The following DCLRE1C variants were observed in gnomAD, a reference collection of about 807,000 sequenced individuals.
DCLRE1C encodes DNA cross-link repair 1C, also known as protein artemis.
A neutral mutation model predicts 61.4 loss-of-function variants in DCLRE1C; 47 were observed. The ratio of observed to expected loss-of-function variants is 0.77; its 90% CI spans 0.61 to 0.98. The LOEUF is 0.98. Among genes scored for constraint, DCLRE1C ranks in the 50% least tolerant of loss-of-function variants. The pLI is 0.00. For missense variants in DCLRE1C, 858 were observed against 816.0 expected, an observed-to-expected ratio of 1.05 and a Z score of -0.63; for synonymous variants, 337 against 287.6, an observed-to-expected ratio of 1.17 and a Z score of -1.74.
At chr10:14,897,706 TA>T (rs1833683550) in exon 14 of DCLRE1C, 3 of 414,220 alleles carry the variant, frequency 7.2e-6, no homozygotes, top group Non-Finnish European at 8.1e-6. Flanking sequence ...TTTATATGAA[TA>T]AAAAATATAC....
rs1834332782 is a variant in DCLRE1C at position 14,905,682 on chromosome 10, C to A, written c.*2726G>T. Among the ~76,000 whole-genome samples the A allele has an allele frequency of 6.6e-6, 1 of 152,182 alleles. No individual in the cohort carries two copies. Among genetic ancestry groups the A allele is most frequent in the African/African-American group, 2.4e-5 (1 of 41,444 alleles). The stretch of plus-strand genomic sequence containing the variant: ...GAGTGTCTTCTGTGATACATCTTGG[C>A]ATTTTGAAACTTCATGTTTCGGCTG... On this transcript the variant is annotated 3_prime_UTR_variant, in exon 14 of 14. Transcript: ENST00000378278.
downstream of DCLRE1C, among the ~76,000 whole-genome samples, chr10:14,901,723 C>G (rs1442017484): frequency 6.6e-6 from 1 of 151,490 alleles, no homozygotes; most frequent in East Asian, 1.9e-4. Flanking sequence ...CCCAGCTACT[C>G]GGGAGGCTGA....
intron 13 of DCLRE1C, among the ~76,000 whole-genome samples, chr10:14,909,628 T>A (rs1834914432): frequency 6.6e-6 from 1 of 151,678 alleles, no homozygotes; most frequent in Non-Finnish European, 1.5e-5. Flanking sequence ...AAAACAGGTT[T>A]CTGTATCTCA....
exon 14 of DCLRE1C, chr10:14,897,692 A>G: frequency 2.0e-6 from 1 of 488,072 alleles, no homozygotes; most frequent in South Asian, 1.0e-4. Flanking sequence ...AGAAATAAAA[A>G]ACTTTTATAT....
intron 13 of DCLRE1C, among the ~76,000 whole-genome samples, chr10:14,919,414 T>G (rs41299722): frequency 5.2e-4 from 79 of 151,952 alleles, no homozygotes; most frequent in African/African-American, 1.7e-3. Context: ...CCTCTCTATG[T>G]CCTAAGAAAA....
intron 4 of DCLRE1C, among the ~76,000 whole-genome samples, chr10:14,939,280 T>C (rs1840484386): frequency 6.6e-6 from 1 of 151,890 alleles, no homozygotes; most frequent in Non-Finnish European, 1.5e-5. Flanking sequence ...CTACTAAAAA[T>C]ACAATAATTA....
intron 6 of DCLRE1C, among the ~76,000 whole-genome samples, 177 bp from the exon 7 acceptor site, chr10:14,934,952 A>C (rs41297030): frequency 6.6e-6 from 1 of 151,802 alleles, no homozygotes; most frequent in Non-Finnish European, 1.5e-5. Context: ...CCTCCCAACT[A>C]TCTGGGATCA....
At chr10:14,942,281 G>A (rs900631630) in intron 3 of DCLRE1C, 20 of 152,298 alleles carry the variant, frequency 1.3e-4, no homozygotes, top group Admixed American at 4.6e-4. Flanking sequence ...AGTGGGTTTC[G>A]GTCTGTCCTA....
chr10:14,902,417 A>T (rs1165281122), downstream of DCLRE1C: 7 of 1,608,024 alleles, frequency 4.4e-6, no homozygotes, highest in Admixed American at 1.2e-4. Context: ...TTCTGGAGAT[A>T]TATCTTCAGA....
intron 13 of DCLRE1C, chr10:14,911,218 C>G (rs1564372999): frequency 6.6e-6 from 1 of 152,172 alleles, no homozygotes; most frequent in Non-Finnish European, 1.5e-5. Flanking sequence ...TTGTCCTGGT[C>G]CCAACAGCCA....
At chr10:14,940,612 C>A (rs2153796) in intron 3 of DCLRE1C, among the ~76,000 whole-genome samples, 7,494 of 148,826 alleles carry the variant, frequency 0.05, 370 homozygotes, top group East Asian at 0.28. Context: ...TAAGTGCTGC[C>A]GAACGCTCCC....
chr10:14,952,772 C>G (rs1373905546), intron 1 of DCLRE1C, among the ~76,000 whole-genome samples: 1 of 151,892 alleles, frequency 6.6e-6, no homozygotes, highest in African/African-American at 2.4e-5. Flanking sequence ...CGGCAACGCA[C>G]GAGAAGAGGT....
Position 14,926,861 on chromosome 10 carries a change from A to G in DCLRE1C, c.954T>C (p.Phe318=). ...CTCTTACCTCACTGTAGGAGGAGTG[A>G]AAAGAAAAACAAGCTCTGTATGAAC... The part of the protein sequence containing the change: ...GESSYRACFS[F]HSSYSEIKDF... The change falls in exon 11 of 14, where the codon TTT becomes TTC. Residue 318 remains phenylalanine, a synonymous_variant. Coordinates refer to ENST00000378278, the MANE Select transcript of DCLRE1C (RefSeq NM_001033855.3). 1 of 1,613,560 alleles carries G rather than the reference A, an allele frequency of 6.2e-7. No homozygotes were observed. Among genetic ancestry groups the G allele is most frequent in the Non-Finnish European group, 8.5e-7 (1 of 1,179,546 alleles).
At chr10:14,911,086 C>T (rs1365979803) in intron 13 of DCLRE1C, 3 of 152,228 alleles carry the variant, frequency 2.0e-5, no homozygotes, top group Admixed American at 2.0e-4. Context: ...GAGGCGTCCC[C>T]ACCACGTGTT....
chr10:14,954,205 G>A, upstream of DCLRE1C: 2 of 857,088 alleles, frequency 2.3e-6, no homozygotes, highest in Non-Finnish European at 3.7e-6. Context: ...GGCGCCCGCT[G>A]CTTGGGTTTA....
intron 12 of DCLRE1C, among the ~76,000 whole-genome samples, chr10:14,922,668 G>T (rs1837307522): frequency 6.6e-6 from 1 of 152,014 alleles, no homozygotes; most frequent in African/African-American, 2.4e-5. Flanking sequence ...CAACAAGTAG[G>T]CATCAATATT....
Position 14,905,812 on chromosome 10 carries a change from C to T in DCLRE1C, c.*2596G>A, listed in dbSNP as rs1190443630. 6.6e-6 allele frequency among the ~76,000 whole-genome samples: 1 copy of T among 152,090 alleles called. No individual in the cohort carries two copies. The highest frequency in any genetic ancestry group is 1.5e-5 in the Non-Finnish European group (1 of 68,020). ...CCAGTCTGACCAATATGGTGAAACCCTGTCTCTACTAAAAATACAAAAATT... is the reference window on the plus strand; with the variant it reads ...CCAGTCTGACCAATATGGTGAAACCTTGTCTCTACTAAAAATACAAAAATT... On this transcript the variant is annotated 3_prime_UTR_variant, in exon 14 of 14. Coordinates refer to ENST00000378278, the MANE Select transcript of DCLRE1C (RefSeq NM_001033855.3).
intron 9 of DCLRE1C, 117 bp downstream of exon 9, chr10:14,932,737 G>A (rs1369554849): frequency 1.7e-6 from 2 of 1,206,618 alleles, no homozygotes; most frequent in African/African-American, 3.0e-5. Context: ...AACAACTTAG[G>A]ATTGCAGCCT....
At chr10:14,933,684 G>A (rs1294938650) in intron 8 of DCLRE1C, among the ~76,000 whole-genome samples, 1 of 152,068 alleles carries the variant, frequency 6.6e-6, no homozygotes, top group African/African-American at 2.4e-5. Flanking sequence ...TATACATGAT[G>A]TACAACAGAG....
Sources: gnomAD v4.1 joint callset for allele counts (sites outside exome capture counted in the v4.1 genomes callset) on GRCh38, gnomAD v4.1.1 for gene constraint, MANE v1.5 for transcripts, NCBI Gene and HGNC (gene_info 2026-07-23, HGNC 2026-07-21) for gene names.